DOCK3: variants seen among roughly 807,000 people sequenced by gnomAD.
The protein encoded by DOCK3 is dedicator of cytokinesis 3, also known as dedicator of cytokinesis protein 3.
DOCK3 carries 60 observed loss-of-function variants against 265.6 expected under a neutral mutation model. The observed-to-expected ratio is 0.23, with a 90% CI of 0.18 to 0.28. The LOEUF (loss-of-function observed/expected upper bound fraction) is 0.28. Among genes scored for constraint, DOCK3 ranks in the 10% least tolerant of loss-of-function variants. The pLI is 1.00. For missense variants in DOCK3, 1,981 were observed against 2,594.3 expected (o/e 0.76, Z 5.14); for synonymous variants, 881 against 938.0 (o/e 0.94, Z 1.11).
intron 22 of DOCK3, among the ~76,000 whole-genome samples, chr3:51,254,022 C>T (rs1172429540): frequency 2.8e-4 from 42 of 152,208 alleles, no homozygotes; most frequent in Admixed American, 2.7e-3. Context: ...AAATTTCCCT[C>T]TGCACACTGC....
chr3:51,206,242 A>G (rs751876946), intron 12 of DOCK3, among the ~76,000 whole-genome samples: 2 of 152,234 alleles, frequency 1.3e-5, no homozygotes, highest in Non-Finnish European at 2.9e-5. Context: ...TTTAAGCTAT[A>G]AGAAATAACC....
intron 12 of DOCK3, among the ~76,000 whole-genome samples, chr3:51,165,356 C>A (rs1447051276): frequency 1.3e-5 from 2 of 152,212 alleles, no homozygotes; most frequent in Non-Finnish European, 2.9e-5. Context: ...AATTGTACAA[C>A]ATGATGATTT....
At chr3:50,957,641 A>C (rs765420122) in intron 5 of DOCK3, among the ~76,000 whole-genome samples, 8 of 152,252 alleles carry the variant, frequency 5.3e-5, no homozygotes, top group Non-Finnish European at 1.0e-4. Flanking sequence ...TATTTAGGCG[A>C]ATAAGATTTC....
intron 5 of DOCK3, among the ~76,000 whole-genome samples, chr3:50,954,187 T>C (rs1010804827): frequency 6.6e-6 from 1 of 152,132 alleles, no homozygotes; most frequent in Non-Finnish European, 1.5e-5. Context: ...AAGTACCTTA[T>C]ATGAGTAGAA....
At position 51,102,633 on chromosome 3, in the gene DOCK3, G is replaced by T. The variant is rs537934266; in HGVS notation, c.746+12249G>T. On this transcript the variant is annotated intron_variant, in intron 9 of 52. Coordinates refer to ENST00000266037, the MANE Select transcript of DOCK3 (RefSeq NM_004947.5). ...AGAAATCAGCTACAAAAGAACAGAA[G>T]AAATAGTGTTGTAGAAATAGCACAA... Among the ~76,000 whole-genome samples, 4 of 152,282 alleles carry T rather than the reference G, an allele frequency of 2.6e-5. No individual in the cohort carries two copies. In the South Asian group the frequency reaches 8.3e-4, roughly 32 times the overall value.
intron 7 of DOCK3, among the ~76,000 whole-genome samples, chr3:51,088,281 G>A (rs1576026395): frequency 6.6e-6 from 1 of 152,120 alleles, no homozygotes; most frequent in African/African-American, 2.4e-5. Flanking sequence ...GGGGTGGTGG[G>A]GTTGAAGAGA....
intron 12 of DOCK3, among the ~76,000 whole-genome samples, chr3:51,188,536 C>T (rs1560181376): frequency 6.6e-6 from 1 of 152,152 alleles, no homozygotes; most frequent in Non-Finnish European, 1.5e-5. Flanking sequence ...ATTTTATCCT[C>T]CTTACTGTGT....
intron 9 of DOCK3, among the ~76,000 whole-genome samples, chr3:51,123,237 C>G (rs1398817640): frequency 6.6e-6 from 1 of 152,188 alleles, no homozygotes; most frequent in Non-Finnish European, 1.5e-5. Context: ...TAAGTCAGAA[C>G]TCACAAGGAT....
chr3:51,282,023 T>C (rs888416296), intron 27 of DOCK3, among the ~76,000 whole-genome samples: 1 of 152,174 alleles, frequency 6.6e-6, no homozygotes, highest in Non-Finnish European at 1.5e-5. Flanking sequence ...ATAGGGTTAT[T>C]TATAACCTGA....
At chr3:51,063,722 T>G (rs2081498445) in intron 5 of DOCK3, among the ~76,000 whole-genome samples, 1 of 152,222 alleles carries the variant, frequency 6.6e-6, no homozygotes, top group African/African-American at 2.4e-5. Context: ...AAGTACATCT[T>G]TTTTCTGAAG....
At chr3:51,024,119 T>C (rs915901196) in intron 5 of DOCK3, among the ~76,000 whole-genome samples, 5 of 152,226 alleles carry the variant, frequency 3.3e-5, no homozygotes, top group Non-Finnish European at 7.3e-5. Context: ...ATTTGATTCT[T>C]GGGGCTTGGT....
At chr3:50,957,720 A>G (rs1263136901) in intron 5 of DOCK3, among the ~76,000 whole-genome samples, 2 of 152,222 alleles carry the variant, frequency 1.3e-5, no homozygotes, top group Non-Finnish European at 2.9e-5. Context: ...CACCAGCCAG[A>G]ACACATTAGA....
chr3:51,305,735 CGTGTGT>C (rs113288288), intron 27 of DOCK3, among the ~76,000 whole-genome samples: 4 of 137,760 alleles, frequency 2.9e-5, no homozygotes, highest in South Asian at 4.7e-4. Flanking sequence ...TGTGTGTGCG[CGTGTGT>C]GTGTGTGTGT....
chr3:51,012,914 T>C (rs550030520), intron 5 of DOCK3, among the ~76,000 whole-genome samples: 1 of 152,310 alleles, frequency 6.6e-6, no homozygotes, highest in East Asian at 1.9e-4. Flanking sequence ...CAATCACTGA[T>C]ACCCTTTCTT....
intron 44 of DOCK3, 28 bp downstream of exon 44, chr3:51,357,169 T>C (rs753336293): frequency 4.4e-6 from 7 of 1,598,384 alleles, no homozygotes; most frequent in Non-Finnish European, 1.7e-6. Context: ...GCCAAACCCA[T>C]GCAGCCAGCC....
chr3:51,113,975 G>A (rs2083627143), intron 9 of DOCK3, among the ~76,000 whole-genome samples: 1 of 152,106 alleles, frequency 6.6e-6, no homozygotes, highest in South Asian at 2.1e-4. Context: ...AAGGCATGGT[G>A]GCACATGCTT....
intron 12 of DOCK3, among the ~76,000 whole-genome samples, chr3:51,171,660 G>A (rs1322401362): frequency 2.0e-5 from 3 of 150,440 alleles, no homozygotes; most frequent in Non-Finnish European, 4.4e-5. Flanking sequence ...AGCTTGCAGT[G>A]AGCCGAGATC....
chr3:50,976,540 G>T, intron 5 of DOCK3, among the ~76,000 whole-genome samples: 1 of 127,600 alleles, frequency 7.8e-6, no homozygotes, highest in Non-Finnish European at 1.6e-5. Flanking sequence ...TTTTACATTT[G>T]CTGAGGAGAG....
At chr3:50,839,692 TTCTCCCCTCCCCTCCCCTCCCCTCC>T (rs1559707597) in intron 2 of DOCK3, among the ~76,000 whole-genome samples, 5 of 105,504 alleles carry the variant, frequency 4.7e-5, no homozygotes, top group African/African-American at 9.5e-5. Flanking sequence ...TTGGGCTGTT[TTCTCCCCTCCCCTCCCCTCCCCTCC>T]TCTCCCCTCC....
Sources: gnomAD v4.1 joint callset for allele counts (sites outside exome capture counted in the v4.1 genomes callset) on GRCh38, gnomAD v4.1.1 for gene constraint, MANE v1.5 for transcripts, NCBI Gene and HGNC (gene_info 2026-07-23, HGNC 2026-07-21) for gene names.